Variants in CEP57L1 observed in about 807,000 individuals in gnomAD.
CEP57L1 encodes centrosomal protein CEP57L1.
In CEP57L1, 37 loss-of-function variants were observed where a neutral mutation model predicts 61.0. The observed-to-expected ratio is 0.61, with a 90% CI of 0.47 to 0.80. The LOEUF is 0.80. CEP57L1 is among the 30% of genes least tolerant of loss of function. The probability of loss-of-function intolerance (pLI) is 0.00; values close to 1 mark genes in which losing one functional copy is unlikely to be tolerated. For missense variants in CEP57L1, 422 were observed against 524.7 expected, an observed-to-expected ratio of 0.80 and a Z score of 1.91; for synonymous variants, 137 against 162.3, an observed-to-expected ratio of 0.84 and a Z score of 1.19.
intron 1 of CEP57L1, among the ~76,000 whole-genome samples, chr6:109,123,453 G>T (rs1773207199): frequency 6.6e-6 from 1 of 152,142 alleles, no homozygotes; most frequent in Admixed American, 6.5e-5. Context: ...ATACCTCATA[G>T]TGTTGCCTTC....
Position 109,160,733 on chromosome 6 carries a change from A to G in CEP57L1, c.1161+17A>G, listed in dbSNP as rs759874854. The G allele has an allele frequency of 6.4e-7, 1 of 1,565,874 alleles. No individual in the cohort carries two copies. Among genetic ancestry groups the G allele is most frequent in the South Asian group, 1.2e-5 (1 of 83,214 alleles). ...CAAGACAGTGTAAGAAGGCTTTAGTAAGAGATTTTAATAAAAACACAAAAT... is the reference window on the plus strand; with the variant it reads ...CAAGACAGTGTAAGAAGGCTTTAGTGAGAGATTTTAATAAAAACACAAAAT... On this transcript the variant is annotated intron_variant, in intron 10 of 10. Coordinates refer to ENST00000517392, the MANE Select transcript of CEP57L1 (RefSeq NM_001271852.3).
intron 1 of CEP57L1, among the ~76,000 whole-genome samples, chr6:109,127,461 A>G (rs1254849121): frequency 6.6e-6 from 1 of 152,142 alleles, no homozygotes; most frequent in Non-Finnish European, 1.5e-5. Flanking sequence ...GTATTAGAAA[A>G]TAGTAAATAC....
chr6:109,134,731 C>G (rs1435217593), intron 1 of CEP57L1, among the ~76,000 whole-genome samples: 2 of 152,150 alleles, frequency 1.3e-5, no homozygotes, highest in Non-Finnish European at 2.9e-5. Flanking sequence ...GATACAAAAT[C>G]AATGTGCAAA....
chr6:109,128,608 G>T (rs573470212), intron 1 of CEP57L1, among the ~76,000 whole-genome samples: 1 of 152,118 alleles, frequency 6.6e-6, no homozygotes, highest in South Asian at 2.1e-4. Flanking sequence ...ACCTCCCTAT[G>T]GTCTAATCAA....
intron 1 of CEP57L1, among the ~76,000 whole-genome samples, chr6:109,120,616 G>A (rs1337102606): frequency 6.6e-6 from 1 of 151,654 alleles, no homozygotes; most frequent in East Asian, 1.9e-4. Context: ...CGGGGGTTCT[G>A]TGTAATGGGA....
chr6:109,151,858 CAG>C (rs1055009295), intron 4 of CEP57L1, among the ~76,000 whole-genome samples: 1 of 152,182 alleles, frequency 6.6e-6, no homozygotes, highest in Non-Finnish European at 1.5e-5. Context: ...AGTTTCTAAT[CAG>C]AGTTCTTCTC....
chr6:109,107,147 A>G (rs1771035090), intron 1 of CEP57L1, among the ~76,000 whole-genome samples: 1 of 152,230 alleles, frequency 6.6e-6, no homozygotes, highest in Admixed American at 6.5e-5. Context: ...TAAGTAAGCA[A>G]CTTTTGTGAA....
chr6:109,150,951 A>G (rs1251945493), intron 4 of CEP57L1, among the ~76,000 whole-genome samples: 1 of 152,192 alleles, frequency 6.6e-6, no homozygotes, highest in Non-Finnish European at 1.5e-5. Flanking sequence ...AGACAGAAGG[A>G]AAATGACCTT....
intron 1 of CEP57L1, among the ~76,000 whole-genome samples, chr6:109,101,967 T>A (rs1264759900): frequency 6.6e-6 from 1 of 152,196 alleles, no homozygotes; most frequent in Non-Finnish European, 1.5e-5. Context: ...TTCCCACCAA[T>A]GAATGAGAGT....
intron 1 of CEP57L1, among the ~76,000 whole-genome samples, chr6:109,103,445 C>T (rs1770561112): frequency 1.3e-5 from 2 of 152,158 alleles, no homozygotes; most frequent in African/African-American, 4.8e-5. Flanking sequence ...AATTCCTTAA[C>T]AAGATTGATT....
intron 1 of CEP57L1, among the ~76,000 whole-genome samples, chr6:109,125,516 A>T (rs1773451783): frequency 7.0e-6 from 1 of 142,896 alleles, no homozygotes; most frequent in South Asian, 2.2e-4. Context: ...ATACATATAT[A>T]TATATATATT....
intron 1 of CEP57L1, among the ~76,000 whole-genome samples, chr6:109,125,712 A>G (rs1009434349): frequency 2.0e-5 from 3 of 151,390 alleles, no homozygotes; most frequent in African/African-American, 7.3e-5. Flanking sequence ...TGACTGATTG[A>G]TTGATTGATT....
chr6:109,162,092 A>T (rs1727865997), intron 10 of CEP57L1, among the ~76,000 whole-genome samples: 1 of 151,970 alleles, frequency 6.6e-6, no homozygotes, highest in African/African-American at 2.4e-5. Flanking sequence ...ACTTTTTTTT[A>T]AACAGCCATT....
intron 1 of CEP57L1, among the ~76,000 whole-genome samples, chr6:109,132,075 G>A (rs1009430384): frequency 6.6e-6 from 1 of 152,146 alleles, no homozygotes; most frequent in African/African-American, 2.4e-5. Flanking sequence ...ATCACAATCC[G>A]ATGCTCATGT....
chr6:109,120,905 G>C (rs1772873970), intron 1 of CEP57L1, among the ~76,000 whole-genome samples: 1 of 128,296 alleles, frequency 7.8e-6, no homozygotes, highest in Non-Finnish European at 1.6e-5. Context: ...CCTATACTTA[G>C]ACACACGCAC....
At chr6:109,154,172 A>G (rs1772974080) in intron 5 of CEP57L1, among the ~76,000 whole-genome samples, 1 of 152,214 alleles carries the variant, frequency 6.6e-6, no homozygotes, top group African/African-American at 2.4e-5. Context: ...GACTTCTAAT[A>G]TGGCAGGATA....
intron 10 of CEP57L1, among the ~76,000 whole-genome samples, chr6:109,161,234 G>A (rs1271281794): frequency 6.6e-6 from 1 of 152,132 alleles, no homozygotes; most frequent in African/African-American, 2.4e-5. Flanking sequence ...GAACAGGGAT[G>A]GTGAAGAAAA....
chr6:109,159,832 T>C (rs1454189846), intron 9 of CEP57L1, among the ~76,000 whole-genome samples: 1 of 152,202 alleles, frequency 6.6e-6, no homozygotes, highest in East Asian at 1.9e-4. Flanking sequence ...CTGATAGATA[T>C]TATTATCATT....
rs111642238 is a variant in CEP57L1, at chr6:109,171,567, G to A, written c.*8597G>A. Among the ~76,000 whole-genome samples the A allele has an allele frequency of 3.4e-3, 520 of 152,042 alleles. 1 individual carries two copies. Among genetic ancestry groups the A allele is most frequent in the African/African-American group, 0.01 (418 of 41,480 alleles). On this transcript the variant is annotated 3_prime_UTR_variant, in exon 11 of 11. Coordinates refer to ENST00000517392, the MANE Select transcript of CEP57L1 (RefSeq NM_001271852.3). ...GCCTAGAGTTTGATTCTCTTAAACC[G>A]TTCTACTAAAATACTATCAGTTTAA...
Sources: gnomAD v4.1 joint callset for allele counts (sites outside exome capture counted in the v4.1 genomes callset) on GRCh38, gnomAD v4.1.1 for gene constraint, MANE v1.5 for transcripts, NCBI Gene and HGNC (gene_info 2026-07-23, HGNC 2026-07-21) for gene names.